Variants in PCLO observed in about 807,000 individuals in gnomAD.
PCLO encodes the protein protein piccolo.
Under a neutral mutation model 427.5 loss-of-function variants are expected in PCLO, and 82 were observed. That is an observed-to-expected ratio of 0.19 (90% confidence interval 0.16 to 0.23). PCLO has a LOEUF of 0.23. PCLO is among the 10% of genes least tolerant of loss of function. PCLO has a pLI of 1.00. For synonymous variants in PCLO, 2,357 were observed against 2,155.4 expected, an observed-to-expected ratio of 1.09 and a Z score of -2.59; for missense variants, 6,239 against 6,115.9, an observed-to-expected ratio of 1.02 and a Z score of -0.67.
chr7:82,988,820 T>C (rs1416733229), intron 3 of PCLO, among the ~76,000 whole-genome samples: 1 of 151,326 alleles, frequency 6.6e-6, no homozygotes. Context: ...TTTTTTTTTA[T>C]TTTTTATTTT....
At chr7:82,786,924 C>T (rs150156566) in intron 22 of PCLO, among the ~76,000 whole-genome samples, 1,548 of 152,206 alleles carry the variant, frequency 0.01, 18 homozygotes, top group African/African-American at 0.035. Flanking sequence ...ATGAACTCAT[C>T]CTTTTTTATG....
chr7:82,830,169 A>G (rs1443106875), intron 16 of PCLO, among the ~76,000 whole-genome samples: 1 of 151,958 alleles, frequency 6.6e-6, no homozygotes, highest in East Asian at 1.9e-4. Context: ...TAAAAAATCT[A>G]AAACAAATAT....
At chr7:83,139,803 C>T (rs540050804) in intron 2 of PCLO, among the ~76,000 whole-genome samples, 6 of 152,166 alleles carry the variant, frequency 3.9e-5, no homozygotes, top group African/African-American at 7.2e-5. Context: ...TCATTATCTA[C>T]GGCTAGCACT....
At chr7:83,099,862 T>C (rs115856247) in intron 3 of PCLO, among the ~76,000 whole-genome samples, 1,548 of 152,200 alleles carry the variant, frequency 0.01, 22 homozygotes, top group African/African-American at 0.035. Flanking sequence ...GTTAAATCCA[T>C]AAATCTTAAA....
At chr7:82,906,009 A>AGAT (rs1272283344) in intron 8 of PCLO, among the ~76,000 whole-genome samples, 2 of 88,004 alleles carry the variant, frequency 2.3e-5, no homozygotes, top group African/African-American at 1.0e-4. Flanking sequence ...TTAAGCATAT[A>AGAT]GATAGATAGA....
At chr7:83,038,814 G>A (rs1583943352) in intron 3 of PCLO, among the ~76,000 whole-genome samples, 2 of 151,948 alleles carry the variant, frequency 1.3e-5, no homozygotes, top group African/African-American at 4.8e-5. Flanking sequence ...ATGGTTTTTC[G>A]AAGTGGCTGC....
intron 3 of PCLO, among the ~76,000 whole-genome samples, chr7:83,004,609 G>A (rs1300860250): frequency 1.4e-5 from 2 of 146,624 alleles, no homozygotes; most frequent in African/African-American, 5.1e-5. Flanking sequence ...CATTGGTTTT[G>A]GCAATGATTT....
At chr7:82,819,836 T>TTTTAA (rs1211313384) in intron 20 of PCLO, among the ~76,000 whole-genome samples, 1 of 152,194 alleles carries the variant, frequency 6.6e-6, no homozygotes, top group Non-Finnish European at 1.5e-5. Context: ...TAAGGCTTGA[T>TTTTAA]TTTAATTTTG....
intron 3 of PCLO, among the ~76,000 whole-genome samples, chr7:83,073,121 A>G (rs1789861036): frequency 6.6e-6 from 1 of 151,958 alleles, no homozygotes; most frequent in African/African-American, 2.4e-5. Context: ...CCTCCCTGCC[A>G]TCTAGTGATA....
At position 82,767,101 on chromosome 7, in the gene PCLO, A is replaced by G. The variant is rs111536989; in HGVS notation, c.15008-5608T>C. 1.1e-4 allele frequency among the ~76,000 whole-genome samples: 16 copies of G among 152,302 alleles called. 1 individual carries two copies. The highest frequency in any genetic ancestry group is 3.8e-4 in the African/African-American group (16 of 41,562). ...TGTTTGCAGGTTGGGCAGCAGCTCC[A>G]GATCTGCTTGAGCCTTTGAACAAAA... On this transcript the variant is annotated intron_variant, in intron 22 of 24. Coordinates refer to ENST00000333891, the MANE Select transcript of PCLO (RefSeq NM_033026.6).
intron 3 of PCLO, among the ~76,000 whole-genome samples, chr7:83,065,890 G>GAACA (rs1789659292): frequency 6.6e-6 from 1 of 152,048 alleles, no homozygotes; most frequent in Admixed American, 6.6e-5. Context: ...TAACAATGGG[G>GAACA]AACAAACGTT....
At chr7:82,818,566 A>G (rs1791724041) in intron 20 of PCLO, among the ~76,000 whole-genome samples, 1 of 152,180 alleles carries the variant, frequency 6.6e-6, no homozygotes, top group African/African-American at 2.4e-5. Flanking sequence ...AACTTAAGAG[A>G]TAAGTCATAA....
chr7:82,804,345 G>GA (rs1028237847), intron 21 of PCLO, among the ~76,000 whole-genome samples: 4 of 151,996 alleles, frequency 2.6e-5, no homozygotes, highest in African/African-American at 7.2e-5. Context: ...AATTTAAATT[G>GA]AAAAAAATGT....
chr7:82,931,274 G>A (rs1219231776), intron 6 of PCLO, among the ~76,000 whole-genome samples: 1 of 152,100 alleles, frequency 6.6e-6, no homozygotes, highest in African/African-American at 2.4e-5. Flanking sequence ...TTTGAATTGG[G>A]GAAATGAAGA....
rs545351352 is a variant in PCLO, at chr7:82,953,994, T to C, written c.6959A>G (p.Tyr2320Cys). ...GGCCTCCAACTCCTTTTTATCTCTG[T>C]AAGCTTCCAAAACTTCCAGAATGAT... The part of the protein sequence containing the change: ...NGIILEVLEA[Y>C]RDKKELEAER... The change falls in exon 5 of 25, where the codon TAC becomes TGC. Residue 2320 changes from tyrosine (Y) to cysteine (C), a missense_variant. Transcript: ENST00000333891. The C allele has an allele frequency of 6.2e-7, 1 of 1,613,980 alleles. No individual in the cohort carries two copies. Among genetic ancestry groups the C allele is most frequent in the East Asian group, 2.2e-5 (1 of 44,880 alleles).
intron 3 of PCLO, among the ~76,000 whole-genome samples, chr7:82,976,243 A>C (rs2115737819): frequency 6.6e-6 from 1 of 152,206 alleles, no homozygotes; most frequent in East Asian, 1.9e-4. Flanking sequence ...CAGCTTGTCC[A>C]TAGGCATTTA....
chr7:82,786,809 C>A (rs979850842), intron 22 of PCLO, among the ~76,000 whole-genome samples: 3 of 152,016 alleles, frequency 2.0e-5, no homozygotes, highest in African/African-American at 7.2e-5. Context: ...TCTCATTGTT[C>A]ATCTCCCACT....
At chr7:83,067,027 C>T (rs1216637253) in intron 3 of PCLO, among the ~76,000 whole-genome samples, 2 of 152,208 alleles carry the variant, frequency 1.3e-5, no homozygotes, top group South Asian at 2.1e-4. Context: ...TCTTTATGCA[C>T]AAAATTATTA....
chr7:83,075,729 C>T (rs1789935324), intron 3 of PCLO, among the ~76,000 whole-genome samples: 1 of 152,122 alleles, frequency 6.6e-6, no homozygotes, highest in African/African-American at 2.4e-5. Flanking sequence ...TATATACACA[C>T]ATACACACAC....
Sources: allele counts gnomAD v4.1 joint callset (sites outside exome capture counted in the v4.1 genomes callset), GRCh38; gene constraint gnomAD v4.1.1; transcripts MANE v1.5; gene names NCBI Gene and HGNC (gene_info 2026-07-23, HGNC 2026-07-21).